The following PCDHGA11 variants were observed in gnomAD, a reference collection of about 807,000 sequenced individuals.
PCDHGA11 encodes the protein protocadherin gamma-A11.
PCDHGA11 carries 39 observed loss-of-function variants against 60.4 expected under a neutral mutation model. The observed-to-expected ratio is 0.65, with a 90% CI of 0.50 to 0.84. PCDHGA11 has a LOEUF of 0.84. Ranked by LOEUF, PCDHGA11 falls within the 40% of genes least tolerant of loss-of-function variation. The probability of loss-of-function intolerance (pLI) is 0.00; values close to 1 mark genes in which losing one functional copy is unlikely to be tolerated. For synonymous variants in PCDHGA11, 533 were observed against 510.3 expected (o/e 1.04, Z -0.60); for missense variants, 1,165 against 1,197.7 (o/e 0.97, Z 0.40).
chr5:141,429,698 A>G (rs1436698608), intron 1 of PCDHGA11, among the ~76,000 whole-genome samples: 2 of 152,228 alleles, frequency 1.3e-5, no homozygotes, highest in Admixed American at 6.5e-5. Flanking sequence ...ATATCTTTAC[A>G]GTATAAATAT....
chr5:141,477,469 T>C lies in PCDHGA11; in HGVS notation c.2434-17338T>C, dbSNP rs2099411540. ...TGCGTGTTCAAGTGTCCGACATCAA[T>C]GACAACCCTCCACAATCTTCTCAAT... On this transcript the variant is annotated intron_variant, in intron 1 of 3. Coordinates refer to ENST00000398587, the MANE Select transcript of PCDHGA11 (RefSeq NM_018914.3). The surrounding 1 kb of genome is among the most constrained non-coding windows in gnomAD (Gnocchi z 4.9). 6.2e-7 allele frequency: 1 copy of C among 1,614,028 alleles called. No homozygotes were observed. Among genetic ancestry groups the C allele is most frequent in the South Asian group, 1.1e-5 (1 of 91,078 alleles).
chr5:141,480,224 T>G (rs2099514647), intron 1 of PCDHGA11, among the ~76,000 whole-genome samples: 1 of 146,584 alleles, frequency 6.8e-6, no homozygotes, highest in Non-Finnish European at 1.5e-5. Context: ...AGCGACATAG[T>G]GAGATCCTGT....
At chr5:141,480,511 A>G (rs2099520888) in intron 1 of PCDHGA11, among the ~76,000 whole-genome samples, 1 of 127,378 alleles carries the variant, frequency 7.9e-6, no homozygotes, top group African/African-American at 3.6e-5. Context: ...ATATGAGAAC[A>G]ACCAAAAATG....
At chr5:141,474,426 C>T (rs2099349464) in intron 1 of PCDHGA11, among the ~76,000 whole-genome samples, 1 of 152,198 alleles carries the variant, frequency 6.6e-6, no homozygotes, top group Non-Finnish European at 1.5e-5. Context: ...ACCATTGGTC[C>T]TCACACTTTG....
intron 1 of PCDHGA11, 138 bp from the exon 2 acceptor site, chr5:141,494,669 T>A: frequency 6.5e-7 from 1 of 1,527,472 alleles, no homozygotes; most frequent in South Asian, 1.2e-5. Context: ...TGGAGATGAG[T>A]CCACCCCTGC....
chr5:141,445,334 A>G (rs1337991795), intron 1 of PCDHGA11, among the ~76,000 whole-genome samples: 1 of 152,224 alleles, frequency 6.6e-6, no homozygotes, highest in African/African-American at 2.4e-5. Context: ...ATCCAGAAAC[A>G]GTAAACATTG....
In PCDHGA11 at chr5:141,487,562, G is replaced by A. The variant is rs140619162; in HGVS notation, c.2434-7245G>A. The A allele has an allele frequency of 7.7e-5, 125 of 1,614,060 alleles. 1 individual carries two copies. The highest frequency in any genetic ancestry group is 5.7e-4 in the Admixed American group (34 of 60,006). On this transcript the variant is annotated intron_variant, in intron 1 of 3. Transcript: ENST00000398587. The surrounding 1 kb of genome is among the most constrained non-coding windows in gnomAD (Gnocchi z 5.0). ...GAAGTCACCCAGTGCACCTATGGCA[G>A]GGGAGCCTGTTCGCCCAAGCTGCCC...
intron 1 of PCDHGA11, chr5:141,468,541 A>G (rs1407685120): frequency 6.6e-6 from 1 of 152,076 alleles, no homozygotes. Context: ...GTTTCCTGAC[A>G]TATTTAACAT....
At chr5:141,467,939 A>G (rs2099154812) in intron 1 of PCDHGA11, among the ~76,000 whole-genome samples, 2 of 152,190 alleles carry the variant, frequency 1.3e-5, no homozygotes, top group Admixed American at 6.5e-5. Context: ...GATTACAAGC[A>G]TGAGCCACCA....
At position 141,431,412 on chromosome 5, in the gene PCDHGA11, G is replaced by A. The variant is rs1458036274; in HGVS notation, c.2433+7752G>A. ...CTGGTCCTTACGGCCTCCGACGGGG[G>A]CGACCCGGTGCGCACAGGCACCGCG... On this transcript the variant is annotated intron_variant, in intron 1 of 3. Transcript: ENST00000398587. This position sits in a 1 kb window ranked among gnomAD's most constrained non-coding sequence, Gnocchi z 4.8. 1 of 1,613,596 alleles carries A rather than the reference G, an allele frequency of 6.2e-7. No homozygotes were observed. Among genetic ancestry groups the A allele is most frequent in the Non-Finnish European group, 8.5e-7 (1 of 1,180,058 alleles).
Position 141,423,469 on chromosome 5 carries a change from C to G in PCDHGA11, c.2242C>G (p.Gln748Glu). Reference protein sequence around the residue: ...TSHFVGVDGVQAFLQTYSHEV... With the variant: ...TSHFVGVDGVEAFLQTYSHEV... ...ACATTTTGTAGGCGTGGACGGGGTACAGGCTTTCCTGCAAACCTATTCCCA... is the reference window on the plus strand; with the variant it reads ...ACATTTTGTAGGCGTGGACGGGGTAGAGGCTTTCCTGCAAACCTATTCCCA... The change falls in exon 1 of 4, where the codon CAG becomes GAG. Residue 748 changes from glutamine (Q) to glutamate (E), a missense_variant. By Grantham distance (29) the Gln-to-Glu change is conservative. Coordinates refer to ENST00000398587, the MANE Select transcript of PCDHGA11 (RefSeq NM_018914.3). 3.1e-6 allele frequency: 5 copies of G among 1,613,948 alleles called. No individual in the cohort carries two copies. The highest frequency in any genetic ancestry group is 4.2e-6 in the Non-Finnish European group (5 of 1,179,908).
chr5:141,450,092 C>T (rs761677942), intron 1 of PCDHGA11, among the ~76,000 whole-genome samples: 2 of 148,672 alleles, frequency 1.3e-5, no homozygotes, highest in Non-Finnish European at 3.0e-5. Flanking sequence ...CTGCAACCTC[C>T]GCCTCCCAGG....
At position 141,431,421 on chromosome 5, in the gene PCDHGA11, T is replaced by A. The variant is rs2097372202; in HGVS notation, c.2433+7761T>A. On this transcript the variant is annotated intron_variant, in intron 1 of 3. Transcript: ENST00000398587. The surrounding 1 kb of genome is among the most constrained non-coding windows in gnomAD (Gnocchi z 4.8). The stretch of plus-strand genomic sequence containing the variant: ...ACGGCCTCCGACGGGGGCGACCCGG[T>A]GCGCACAGGCACCGCGCGCATCCGC... 1 of 1,613,580 alleles carries A rather than the reference T, an allele frequency of 6.2e-7. No individual in the cohort carries two copies. The highest frequency in any genetic ancestry group is 1.1e-5 in the South Asian group (1 of 91,082).
At chr5:141,450,786 C>A (rs1468388706) in intron 1 of PCDHGA11, among the ~76,000 whole-genome samples, 1 of 151,020 alleles carries the variant, frequency 6.6e-6, no homozygotes, top group Admixed American at 6.6e-5. Flanking sequence ...CGTGCCCGGA[C>A]CTCATGATTG....
intron 1 of PCDHGA11, 115 bp from the exon 2 acceptor site, chr5:141,494,692 C>G: frequency 6.3e-7 from 1 of 1,581,934 alleles, no homozygotes; most frequent in South Asian, 1.1e-5. Context: ...CCTCTTAGTC[C>G]GTTTTCTTCT....
At chr5:141,483,487 A>G (rs777951096) in intron 1 of PCDHGA11, among the ~76,000 whole-genome samples, 4 of 152,006 alleles carry the variant, frequency 2.6e-5, no homozygotes, top group Non-Finnish European at 5.9e-5. Context: ...AGTGAGGGAC[A>G]GGGATGAGTC....
intron 1 of PCDHGA11, among the ~76,000 whole-genome samples, chr5:141,483,547 G>A (rs1202182188): frequency 6.6e-6 from 1 of 152,140 alleles, no homozygotes. Context: ...GGTTGACAGT[G>A]CCATTCACAG....
rs2099725414 is a variant in PCDHGA11, at chr5:141,491,703, GA to G, written c.2434-3103del. On this transcript the variant is annotated intron_variant, in intron 1 of 3. Coordinates refer to ENST00000398587, the MANE Select transcript of PCDHGA11 (RefSeq NM_018914.3). The surrounding 1 kb of genome is among the most constrained non-coding windows in gnomAD (Gnocchi z 6.9). ...ATACGCTGCGGGAGCGGAGCCAGGT[GA>G]GGGGCTCGGCGCCGCCCCGGGCGAC... is the stretch of plus-strand genomic sequence containing the variant. The G allele has an allele frequency of 3.7e-6, 6 of 1,611,396 alleles. No homozygotes were observed.
Position 141,490,924 on chromosome 5 carries a change from C to A in PCDHGA11, c.2434-3883C>A. 1 of 1,613,680 alleles carries A rather than the reference C, an allele frequency of 6.2e-7. No individual in the cohort carries two copies. Among genetic ancestry groups the A allele is most frequent in the Non-Finnish European group, 8.5e-7 (1 of 1,179,694 alleles). On this transcript the variant is annotated intron_variant, in intron 1 of 3. Coordinates refer to ENST00000398587, the MANE Select transcript of PCDHGA11 (RefSeq NM_018914.3). The surrounding 1 kb of genome is among the most constrained non-coding windows in gnomAD (Gnocchi z 5.4). ...TGTCCTAGACGAGAATGATAATGCC[C>A]CAGCTGTGCTGCACCCACGGCCAGA...
Sources: gnomAD v4.1 joint callset for allele counts (sites outside exome capture counted in the v4.1 genomes callset) on GRCh38, gnomAD v4.1.1 for gene constraint, Gnocchi (gnomAD v3.1) non-coding constraint, MANE v1.5 for transcripts, NCBI Gene and HGNC (gene_info 2026-07-23, HGNC 2026-07-21) for gene names.